MS4A4A: variants seen among roughly 807,000 people sequenced by gnomAD.
The protein encoded by MS4A4A is membrane spanning 4-domains A4A.
MS4A4A carries 26 observed loss-of-function variants against 28.0 expected under a neutral mutation model. The observed-to-expected ratio is 0.93, with a 90% CI of 0.68 to 1.29. The LOEUF is 1.29. Among genes scored for constraint, MS4A4A ranks in the 50% most tolerant of loss-of-function variants. MS4A4A has a pLI of 0.00. For synonymous variants in MS4A4A, 86 were observed against 100.8 expected, an observed-to-expected ratio of 0.85 and a Z score of 0.88; for missense variants, 290 against 293.1, an observed-to-expected ratio of 0.99 and a Z score of 0.08.
In MS4A4A at chr11:60,297,692, C is replaced by T. The variant is rs1016962126; in HGVS notation, c.330+367C>T. Among the ~76,000 whole-genome samples, 10 of 152,258 alleles carry T rather than the reference C, an allele frequency of 6.6e-5. No individual in the cohort carries two copies. The South Asian group carries it at 2.1e-3, about 32-fold the overall frequency. On this transcript the variant is annotated intron_variant, in intron 3 of 6. Coordinates refer to ENST00000337908, the MANE Select transcript of MS4A4A (RefSeq NM_148975.3). The stretch of plus-strand genomic sequence containing the variant: ...GATTTCATCAAGGATTGCTAGCAGA[C>T]CACATCAGAGGGGAGATGGTTGACA...
At chr11:60,291,092 T>C (rs1381748353) in intron 1 of MS4A4A, among the ~76,000 whole-genome samples, 1 of 152,218 alleles carries the variant, frequency 6.6e-6, no homozygotes, top group Admixed American at 6.5e-5. Flanking sequence ...TTCAACTACA[T>C]AGATAAAAAT....
chr11:60,297,016 A>G (rs1360589720), intron 2 of MS4A4A, 181 bp from the exon 3 acceptor site: 14 of 710,214 alleles, frequency 2.0e-5, no homozygotes, highest in Non-Finnish European at 2.7e-5. Flanking sequence ...CGCGAGAGAT[A>G]ATATTGGTAA....
intron 3 of MS4A4A, among the ~76,000 whole-genome samples, chr11:60,298,661 A>G (rs2084925807): frequency 3.3e-5 from 5 of 152,154 alleles, no homozygotes; most frequent in Non-Finnish European, 7.4e-5. Context: ...ACATCTAACT[A>G]CTTAGTTTTC....
At chr11:60,290,624 T>A (rs1211705738) in intron 1 of MS4A4A, among the ~76,000 whole-genome samples, 1 of 151,920 alleles carries the variant, frequency 6.6e-6, no homozygotes, top group Non-Finnish European at 1.5e-5. Flanking sequence ...GAAATACTTA[T>A]TTTATAATTT....
intron 2 of MS4A4A, among the ~76,000 whole-genome samples, chr11:60,294,944 C>T (rs1009485186): frequency 1.6e-5 from 2 of 126,332 alleles, no homozygotes; most frequent in African/African-American, 5.4e-5. Flanking sequence ...TCTTCTTCTT[C>T]TTCTTCTAGA....
chr11:60,297,117 G>T, intron 2 of MS4A4A, 80 bp from the exon 3 acceptor site: 1 of 1,526,902 alleles, frequency 6.5e-7, no homozygotes, highest in Non-Finnish European at 9.0e-7. Context: ...AATAAGGATA[G>T]CTTAGTGATT....
intron 1 of MS4A4A, among the ~76,000 whole-genome samples, chr11:60,285,771 A>G (rs1158546882): frequency 1.3e-5 from 2 of 152,188 alleles, no homozygotes; most frequent in Admixed American, 6.5e-5. Context: ...TCACAAGGGC[A>G]GAAGGGCAGA....
At chr11:60,282,075 C>G (rs559699049) in intron 1 of MS4A4A, among the ~76,000 whole-genome samples, 17 of 152,264 alleles carry the variant, frequency 1.1e-4, no homozygotes, top group South Asian at 1.0e-3. Context: ...GCCAGAGTTT[C>G]TTAGAATGAC....
chr11:60,285,145 G>A (rs77984124), intron 1 of MS4A4A, among the ~76,000 whole-genome samples: 7,867 of 152,172 alleles, frequency 0.052, 258 homozygotes, highest in Middle Eastern at 0.085. Flanking sequence ...AGAGGGCTAT[G>A]GGACTGCAAG....
At chr11:60,287,200 T>TA (rs2084810356) in intron 1 of MS4A4A, among the ~76,000 whole-genome samples, 1 of 152,188 alleles carries the variant, frequency 6.6e-6, no homozygotes, top group Non-Finnish European at 1.5e-5. Context: ...TCTGCTGCTG[T>TA]AAAAAACCAT....
chr11:60,292,768 C>G lies in MS4A4A; in HGVS notation c.201+384C>G, dbSNP rs141348389. 3.9e-5 allele frequency among the ~76,000 whole-genome samples: 6 copies of G among 152,224 alleles called. No individual in the cohort carries two copies. The East Asian group carries it at 1.2e-3, about 30-fold the overall frequency. Reference sequence around the variant, plus strand: ...ATTTCTTTCTGGCACCTTTTCTTAGCCCCCTGCTCAGAGGATGAAAAATCT... The same window carrying G: ...ATTTCTTTCTGGCACCTTTTCTTAGGCCCCTGCTCAGAGGATGAAAAATCT... On this transcript the variant is annotated intron_variant, in intron 2 of 6. Transcript: ENST00000337908.
chr11:60,293,128 G>C (rs550046548), intron 2 of MS4A4A, among the ~76,000 whole-genome samples: 16 of 152,186 alleles, frequency 1.1e-4, no homozygotes, highest in Admixed American at 7.9e-4. Flanking sequence ...CACAATCTGG[G>C]CTCACTGCAA....
rs558267988 is a variant in MS4A4A at position 60,290,607 on chromosome 11, T to A, written c.42-1618T>A. Among the ~76,000 whole-genome samples the A allele has an allele frequency of 3.9e-5, 6 of 152,072 alleles. No individual in the cohort carries two copies. In the South Asian group the frequency reaches 1.2e-3, roughly 32 times the overall value. On this transcript the variant is annotated intron_variant, in intron 1 of 6. Transcript: ENST00000337908. ...TTATTTATTATATTTGTCTTTCTTT[T>A]TTAAAAGAAATACTTATTTTATAAT...
At chr11:60,285,254 A>G (rs2084793961) in intron 1 of MS4A4A, among the ~76,000 whole-genome samples, 1 of 152,198 alleles carries the variant, frequency 6.6e-6, no homozygotes, top group Admixed American at 6.5e-5. Context: ...TTGTAATCCC[A>G]GCACTACTGG....
chr11:60,298,506 C>T (rs886498902), intron 3 of MS4A4A, among the ~76,000 whole-genome samples: 3 of 152,196 alleles, frequency 2.0e-5, no homozygotes, highest in Non-Finnish European at 2.9e-5. Flanking sequence ...TGTGCAATTT[C>T]ATTTCAAACA....
chr11:60,299,591 G>A (rs1456661363), intron 3 of MS4A4A, among the ~76,000 whole-genome samples: 1 of 151,548 alleles, frequency 6.6e-6, no homozygotes, highest in Non-Finnish European at 1.5e-5. Context: ...TCCTGCCTCA[G>A]CCTCCCAAGT....
chr11:60,294,776 C>T (rs1285144536), intron 2 of MS4A4A, among the ~76,000 whole-genome samples: 1 of 151,872 alleles, frequency 6.6e-6, no homozygotes, highest in East Asian at 1.9e-4. Flanking sequence ...TCTCTCCAGG[C>T]TTTCTACTCT....
At chr11:60,292,159 C>A (rs1047469976) in intron 1 of MS4A4A, 66 bp from the exon 2 acceptor site, 73 of 1,466,244 alleles carry the variant, frequency 5.0e-5, no homozygotes, top group Non-Finnish European at 6.6e-5. Context: ...AGGAACCTGC[C>A]CCAAAGTGTC....
At chr11:60,308,030 T>C (rs2085020187) in intron 6 of MS4A4A, 77 bp from the exon 7 acceptor site, 1 of 1,229,080 alleles carries the variant, frequency 8.1e-7, no homozygotes, top group South Asian at 1.3e-5. Flanking sequence ...CTGATAATGA[T>C]GACTTTATGT....
Sources: gnomAD v4.1 joint callset for allele counts (sites outside exome capture counted in the v4.1 genomes callset) on GRCh38, gnomAD v4.1.1 for gene constraint, MANE v1.5 for transcripts, NCBI Gene and HGNC (gene_info 2026-07-23, HGNC 2026-07-21) for gene names.